Variants in DLGAP2 observed in about 807,000 individuals in gnomAD.
The protein encoded by DLGAP2 is DLG associated protein 2, also known as disks large-associated protein 2.
A neutral mutation model predicts 100.3 loss-of-function variants in DLGAP2; 26 were observed. The ratio of observed to expected loss-of-function variants is 0.26; its 90% CI spans 0.19 to 0.36. The LOEUF is 0.36. Ranked by LOEUF, DLGAP2 falls within the 10% of genes least tolerant of loss-of-function variation. DLGAP2 has a pLI of 1.00. For missense variants in DLGAP2, 1,858 were observed against 1,453.2 expected (o/e 1.28, Z -4.53); for synonymous variants, 886 against 630.1 (o/e 1.41, Z -6.08).
chr8:1,099,750 A>C (rs898533002), intron 2 of DLGAP2, among the ~76,000 whole-genome samples: 1 of 152,248 alleles, frequency 6.6e-6, no homozygotes, highest in Non-Finnish European at 1.5e-5. Context: ...ATTAGTGTGT[A>C]CAGTATTTAG....
chr8:950,876 A>G (rs11779354), intron 2 of DLGAP2, among the ~76,000 whole-genome samples: 65,010 of 151,300 alleles, frequency 0.43, 14,407 homozygotes, highest in Admixed American at 0.56. Context: ...CACCCGCCTC[A>G]ACTTCCCAAA....
chr8:1,050,572 G>C (rs1183003473), intron 2 of DLGAP2, among the ~76,000 whole-genome samples: 1 of 152,180 alleles, frequency 6.6e-6, no homozygotes, highest in Non-Finnish European at 1.5e-5. Context: ...AAGCCAAGGA[G>C]CGCCTGTCCC....
At chr8:1,338,028 G>A (rs1801329554) in intron 3 of DLGAP2, among the ~76,000 whole-genome samples, 1 of 152,208 alleles carries the variant, frequency 6.6e-6, no homozygotes, top group South Asian at 2.1e-4. Context: ...CTGAAGAATG[G>A]ACAATGACAA....
intron 4 of DLGAP2, among the ~76,000 whole-genome samples, chr8:1,524,795 G>A (rs1391625302): frequency 1.3e-5 from 2 of 152,132 alleles, no homozygotes; most frequent in Non-Finnish European, 2.9e-5. Flanking sequence ...TGGGCTTTCT[G>A]TGAACATCTC....
chr8:1,112,629 T>A (rs1804996635), intron 2 of DLGAP2, among the ~76,000 whole-genome samples: 1 of 152,258 alleles, frequency 6.6e-6, no homozygotes, highest in African/African-American at 2.4e-5. Context: ...CTTTGTCAGA[T>A]GCGTAGTTTG....
intron 3 of DLGAP2, among the ~76,000 whole-genome samples, chr8:1,274,043 A>G (rs927937785): frequency 1.3e-5 from 2 of 152,200 alleles, no homozygotes; most frequent in Admixed American, 1.3e-4. Flanking sequence ...AAGCTTTGAG[A>G]TAAAATCATT....
At chr8:1,269,707 C>G (rs917762079) in intron 3 of DLGAP2, among the ~76,000 whole-genome samples, 1 of 152,078 alleles carries the variant, frequency 6.6e-6, no homozygotes, top group Non-Finnish European at 1.5e-5. Context: ...ACCCCCCTCC[C>G]CCAGCCAATC....
intron 1 of DLGAP2, among the ~76,000 whole-genome samples, chr8:785,810 C>CTCACCCG (rs1563431704): frequency 1.1e-5 from 1 of 88,066 alleles, no homozygotes; most frequent in Admixed American, 1.1e-4. Flanking sequence ...TCCCTCCTCC[C>CTCACCCG]CTCAGGCTCC....
intron 3 of DLGAP2, among the ~76,000 whole-genome samples, chr8:1,457,250 T>C (rs1011951550): frequency 2.0e-5 from 3 of 152,228 alleles, no homozygotes; most frequent in Admixed American, 6.5e-5. Flanking sequence ...TCCAAGGGGT[T>C]GTTCTCAAGT....
At chr8:1,535,178 G>T (rs1801117024) in intron 4 of DLGAP2, among the ~76,000 whole-genome samples, 1 of 152,222 alleles carries the variant, frequency 6.6e-6, no homozygotes, top group Admixed American at 6.5e-5. Flanking sequence ...TCCCCCCAGG[G>T]GTAGTGGCCG....
intron 1 of DLGAP2, among the ~76,000 whole-genome samples, chr8:782,187 T>C (rs1821708359): frequency 6.6e-6 from 1 of 152,068 alleles, no homozygotes; most frequent in Non-Finnish European, 1.5e-5. Flanking sequence ...GATATGCACA[T>C]TTATTATGTT....
chr8:1,512,520 C>G (rs534402444), intron 4 of DLGAP2, among the ~76,000 whole-genome samples: 10 of 152,234 alleles, frequency 6.6e-5, no homozygotes, highest in East Asian at 5.8e-4. Flanking sequence ...CCAGAAGACC[C>G]TCGGGTTGCA....
chr8:1,240,095 C>T (rs1315756195), intron 2 of DLGAP2, among the ~76,000 whole-genome samples: 1 of 150,672 alleles, frequency 6.6e-6, no homozygotes, highest in Non-Finnish European at 1.5e-5. Flanking sequence ...TTCTAGTTCT[C>T]TCACATGGCG....
chr8:1,344,721 A>T (rs746942578), intron 3 of DLGAP2, among the ~76,000 whole-genome samples: 1 of 152,080 alleles, frequency 6.6e-6, no homozygotes. Flanking sequence ...TATCCGCTAC[A>T]TCTTAACGCT....
chr8:997,552 A>C (rs1284518540), intron 2 of DLGAP2, among the ~76,000 whole-genome samples: 3 of 152,186 alleles, frequency 2.0e-5, no homozygotes, highest in African/African-American at 7.2e-5. Context: ...AAACGGGATG[A>C]TACTCTGTGG....
chr8:903,318 G>T (rs565321865), intron 1 of DLGAP2, among the ~76,000 whole-genome samples: 1 of 152,192 alleles, frequency 6.6e-6, no homozygotes, highest in South Asian at 2.1e-4. Context: ...CTGCCCACTG[G>T]TTCAAACATC....
chr8:1,140,577 A>C (rs1196865042), intron 2 of DLGAP2, among the ~76,000 whole-genome samples: 3 of 151,896 alleles, frequency 2.0e-5, no homozygotes, highest in African/African-American at 7.3e-5. Flanking sequence ...CAGAGGCCCC[A>C]TAGGGCTCTG....
intron 2 of DLGAP2, among the ~76,000 whole-genome samples, chr8:930,760 C>T (rs1268039949): frequency 6.6e-6 from 1 of 152,200 alleles, no homozygotes; most frequent in Non-Finnish European, 1.5e-5. Flanking sequence ...GCTGTGGGAG[C>T]CACACCAGTG....
At chr8:995,438 A>C (rs1800757851) in intron 2 of DLGAP2, among the ~76,000 whole-genome samples, 1 of 152,266 alleles carries the variant, frequency 6.6e-6, no homozygotes, top group Non-Finnish European at 1.5e-5. Flanking sequence ...TTTATATTCC[A>C]CACAATCAAA....
Sources: gnomAD v4.1 joint callset for allele counts (sites outside exome capture counted in the v4.1 genomes callset) on GRCh38, gnomAD v4.1.1 for gene constraint, MANE v1.5 for transcripts, NCBI Gene and HGNC (gene_info 2026-07-23, HGNC 2026-07-21) for gene names.